ENKUR: variants seen among roughly 807,000 people sequenced by gnomAD.
The protein encoded by ENKUR is enkurin.
In ENKUR, 19 loss-of-function variants were observed where a neutral mutation model predicts 27.6. The ratio of observed to expected loss-of-function variants is 0.69; its 90% CI spans 0.48 to 1.01. ENKUR has a LOEUF of 1.01. ENKUR is among the 50% of genes least tolerant of loss of function. The pLI is 0.00. For synonymous variants in ENKUR, 117 were observed against 96.9 expected, an observed-to-expected ratio of 1.21 and a Z score of -1.22; for missense variants, 312 against 310.5, an observed-to-expected ratio of 1.00 and a Z score of -0.04.
intron 2 of ENKUR, among the ~76,000 whole-genome samples, chr10:25,047,136 C>G (rs982895673): frequency 4.6e-5 from 7 of 152,048 alleles, no homozygotes; most frequent in Admixed American, 3.9e-4. Flanking sequence ...ACAGAAAAAC[C>G]CAATTTTTCC....
intron 2 of ENKUR, among the ~76,000 whole-genome samples, chr10:25,053,142 T>G (rs547498470): frequency 2.0e-5 from 3 of 152,032 alleles, no homozygotes; most frequent in Non-Finnish European, 4.4e-5. Flanking sequence ...GTTAGGCACC[T>G]TTTTTCATTT....
chr10:25,060,682 G>A (rs1320665580), intron 2 of ENKUR, among the ~76,000 whole-genome samples: 2 of 152,072 alleles, frequency 1.3e-5, no homozygotes, highest in Non-Finnish European at 2.9e-5. Flanking sequence ...CCCAAGCAGT[G>A]CTAGGGAAAG....
At chr10:24,997,555 TA>T (rs1284393869) in intron 2 of ENKUR, among the ~76,000 whole-genome samples, 3 of 151,640 alleles carry the variant, frequency 2.0e-5, no homozygotes, top group East Asian at 3.9e-4. Context: ...CCTAGCTAAT[TA>T]AAAAAAATTT....
At chr10:25,037,745 A>G (rs1303393870) in intron 2 of ENKUR, among the ~76,000 whole-genome samples, 1 of 152,098 alleles carries the variant, frequency 6.6e-6, no homozygotes, top group Non-Finnish European at 1.5e-5. Context: ...TGTTTACTTT[A>G]AACATTTTCA....
chr10:25,059,218 T>G (rs777546270), intron 2 of ENKUR, among the ~76,000 whole-genome samples: 6 of 150,176 alleles, frequency 4.0e-5, no homozygotes, highest in Non-Finnish European at 8.9e-5. Context: ...CTGCAACCTC[T>G]GCCTCCCAGG....
chr10:25,031,897 C>T (rs1588679372), intron 2 of ENKUR, among the ~76,000 whole-genome samples: 1 of 151,198 alleles, frequency 6.6e-6, no homozygotes. Flanking sequence ...TGGGCTTGAG[C>T]TCATGGCCTC....
At chr10:24,987,648 C>T (rs560180469) in intron 4 of ENKUR, among the ~76,000 whole-genome samples, 22 of 152,174 alleles carry the variant, frequency 1.4e-4, no homozygotes, top group African/African-American at 4.3e-4. Flanking sequence ...AGTGTGCCTT[C>T]GATTTCCTGC....
chr10:25,020,968 T>G (rs540281007), upstream of ENKUR, among the ~76,000 whole-genome samples: 1 of 152,308 alleles, frequency 6.6e-6, no homozygotes, highest in East Asian at 1.9e-4. Context: ...TTTAATAAAA[T>G]AAATTGATGT....
In ENKUR at chr10:25,045,634, T is replaced by C. The variant is rs150341960; in HGVS notation, c.37+15478A>G. ...GACTTTTAAATTTGAAACTGAGACA[T>C]TGTTGACTAATAAATAAGAGACAAA... On this transcript the variant is annotated intron_variant, in intron 2 of 5. Transcript: ENST00000615958. 2.0e-3 allele frequency among the ~76,000 whole-genome samples: 311 copies of C among 152,330 alleles called. 1 individual carries two copies. Among genetic ancestry groups the C allele is most frequent in the Non-Finnish European group, 3.9e-3 (264 of 68,026 alleles).
intron 1 of ENKUR, among the ~76,000 whole-genome samples, chr10:25,002,606 T>C (rs1175023589): frequency 1.3e-5 from 2 of 152,218 alleles, no homozygotes; most frequent in East Asian, 1.9e-4. Context: ...TCTGGTGTTC[T>C]AGTTGTTTAA....
intron 2 of ENKUR, chr10:25,024,255 T>C (rs1241976335): frequency 1.2e-6 from 2 of 1,614,222 alleles, no homozygotes; most frequent in Non-Finnish European, 1.7e-6. Flanking sequence ...AGTTGTTTCA[T>C]GGACCAACAG....
chr10:25,001,598 CTG>C (rs1159129169), intron 1 of ENKUR, among the ~76,000 whole-genome samples: 1 of 151,964 alleles, frequency 6.6e-6, no homozygotes, highest in Non-Finnish European at 1.5e-5. Context: ...TGTTCTATTA[CTG>C]TGTCTTCAAA....
At chr10:24,986,694 G>T (rs1184465848) in intron 4 of ENKUR, among the ~76,000 whole-genome samples, 1 of 152,156 alleles carries the variant, frequency 6.6e-6, no homozygotes, top group African/African-American at 2.4e-5. Context: ...AGGATAGTTT[G>T]CTTTTATCTT....
chr10:24,998,962 G>A (rs377468306), intron 2 of ENKUR, among the ~76,000 whole-genome samples: 108 of 152,200 alleles, frequency 7.1e-4, no homozygotes, highest in African/African-American at 2.4e-3. Context: ...GTAAAAGCCC[G>A]TACTCAAAAT....
intron 2 of ENKUR, among the ~76,000 whole-genome samples, chr10:25,032,426 T>C (rs1044610520): frequency 2.0e-5 from 3 of 152,104 alleles, no homozygotes; most frequent in African/African-American, 7.2e-5. Context: ...ATGCCTAATA[T>C]CCCAGAATTT....
intron 1 of ENKUR, among the ~76,000 whole-genome samples, chr10:25,003,017 CATCT>C (rs550925257): frequency 9.7e-4 from 147 of 151,882 alleles, no homozygotes; most frequent in African/African-American, 3.4e-3. Context: ...AAAGCCTGTC[CATCT>C]ATTATAGAAA....
At chr10:25,017,921 G>C (rs1439895273), upstream of ENKUR, among the ~76,000 whole-genome samples, 3 of 152,306 alleles carry the variant, frequency 2.0e-5, no homozygotes, top group South Asian at 6.2e-4. Flanking sequence ...TAGCCAAGTG[G>C]ATAGTCACTG....
chr10:25,023,046 G>A (rs1850756464), intron 2 of ENKUR: 2 of 530,756 alleles, frequency 3.8e-6, no homozygotes, highest in East Asian at 3.2e-5. Flanking sequence ...CCATAAGTTT[G>A]GAAGATTTTT....
chr10:25,018,725 A>G (rs1027292380), upstream of ENKUR, among the ~76,000 whole-genome samples: 1 of 147,266 alleles, frequency 6.8e-6, no homozygotes, highest in Non-Finnish European at 1.5e-5. Flanking sequence ...ATGGGTGTAG[A>G]TGAGTATATA....
Sources: allele counts gnomAD v4.1 joint callset (sites outside exome capture counted in the v4.1 genomes callset), GRCh38; gene constraint gnomAD v4.1.1; transcripts MANE v1.5; gene names NCBI Gene and HGNC (gene_info 2026-07-23, HGNC 2026-07-21).